COL3A1: variants seen among roughly 807,000 people sequenced by gnomAD.
The protein encoded by COL3A1 is collagen type III alpha 1 chain, also known as collagen alpha-1(III) chain.
A neutral mutation model predicts 200.9 loss-of-function variants in COL3A1; 46 were observed. The ratio of observed to expected loss-of-function variants is 0.23; its 90% CI spans 0.18 to 0.29. The LOEUF is 0.29. COL3A1 is among the 10% of genes least tolerant of loss of function. The pLI is 1.00. For synonymous variants in COL3A1, 650 were observed against 628.0 expected (o/e 1.03, Z -0.52); for missense variants, 1,367 against 1,917.6 (o/e 0.71, Z 5.36).
intron 15 of COL3A1, 69 bp from the exon 16 acceptor site, chr2:188,993,292 C>A: frequency 1.5e-6 from 2 of 1,307,550 alleles, no homozygotes; most frequent in Non-Finnish European, 2.2e-6. Context: ...TTAAACAGGA[C>A]TGAAGGGTGA....
In COL3A1 at chr2:189,005,290, A is replaced by G. The variant is rs576646004; in HGVS notation, c.2932-60A>G. 24 of 1,388,910 alleles carry G rather than the reference A, an allele frequency of 1.7e-5. No homozygotes were observed. In the African/African-American group the frequency reaches 3.4e-4, roughly 20 times the overall value. The allele number at this position is 1,388,910 out of a possible 1,614,324, so 86.0% of individuals were successfully genotyped here. On this transcript the variant is annotated intron_variant, in intron 40 of 50. Transcript: ENST00000304636. ...TACCTGAAAATAAAGATATCTGATA[A>G]CACCATTTTAATTGATTTCTTAAGT...
In COL3A1 at chr2:188,991,047, C is replaced by T; in HGVS notation, c.842C>T (p.Pro281Leu). Residue 281 changes from proline (P) to leucine (L), a missense_variant, in exon 11 of 51, where the codon CCT (proline) becomes CTT (leucine). Pro to Leu is a moderately conservative substitution (Grantham distance 98, BLOSUM62 -3). This residue lies in a region of COL3A1 where 462 missense variants were observed against 681.4 expected (regional missense o/e 0.68). Transcript: ENST00000304636. ...GGAGAAAAGGGTGAAACAGGTGCTC[C>T]TGGATTAAAGGTAAATCACAACAAA... is the stretch of plus-strand genomic sequence containing the variant. ...RNGEKGETGA[P>L]GLKGENGLPG... 2 of 1,613,116 alleles carry T rather than the reference C, an allele frequency of 1.2e-6. No homozygotes were observed. Among genetic ancestry groups the T allele is most frequent in the Non-Finnish European group, 1.7e-6 (2 of 1,179,458 alleles).
rs140646380 is a variant in COL3A1, at chr2:189,010,657, G to A, written c.4021G>A (p.Gly1341Ser). ...SMDGGFQFSYGNPELPEDVLD... is the reference protein window; with the variant it reads ...SMDGGFQFSYSNPELPEDVLD... ...TTGTTCCCTATTACAGTTTAGCTAC[G>A]GCAATCCTGAACTTCCTGAAGATGT... Residue 1341 changes from glycine (G) to serine (S), a missense_variant, in exon 50 of 51, where the codon GGC (glycine) becomes AGC (serine). Physicochemically the swap from Gly to Ser is moderately conservative, Grantham distance 56 (BLOSUM62 0). Around this residue, in one of 5 missense-constraint regions of COL3A1, gnomAD observed 846 missense variants for 1,147.9 expected, o/e 0.74. Transcript: ENST00000304636. 196 of 1,614,030 alleles carry A rather than the reference G, an allele frequency of 1.2e-4. No individual in the cohort carries two copies. The highest frequency in any genetic ancestry group is 9.3e-5 in the African/African-American group (7 of 75,010).
chr2:189,011,824 T>C lies in COL3A1; in HGVS notation c.*50T>C, dbSNP rs766422352. ...CAAAAAAAATTTAACTCCATATGTGTTCCTCTTGTTCTAATCTTGTCAACC... is the reference window on the plus strand; with the variant it reads ...CAAAAAAAATTTAACTCCATATGTGCTCCTCTTGTTCTAATCTTGTCAACC... On this transcript the variant is annotated 3_prime_UTR_variant, in exon 51 of 51. Coordinates refer to ENST00000304636, the MANE Select transcript of COL3A1 (RefSeq NM_000090.4). 5 of 1,599,224 alleles carry C rather than the reference T, an allele frequency of 3.1e-6. No individual in the cohort carries two copies. Among genetic ancestry groups the C allele is most frequent in the Non-Finnish European group, 8.6e-7 (1 of 1,167,040 alleles).
At chr2:188,983,385 T>G (rs538997401) in intron 1 of COL3A1, among the ~76,000 whole-genome samples, 5 of 152,040 alleles carry the variant, frequency 3.3e-5, no homozygotes, top group Non-Finnish European at 7.4e-5. Flanking sequence ...TAAATGGAAA[T>G]GAGGTGGGGA....
intron 32 of COL3A1, among the ~76,000 whole-genome samples, chr2:189,000,444 T>C (rs1359135439): frequency 1.3e-5 from 2 of 152,098 alleles, no homozygotes; most frequent in Non-Finnish European, 2.9e-5. Context: ...GTAGAACAGA[T>C]TAGTGGTTGC....
At chr2:188,988,665 AT>A in intron 7 of COL3A1, 22 bp downstream of exon 7, 1 of 1,557,880 alleles carries the variant, frequency 6.4e-7, no homozygotes, top group Non-Finnish European at 8.8e-7. Flanking sequence ...TTAAATTTAT[AT>A]TTAGTAAGTC....
At chr2:188,983,676 A>C (rs1688002132) in intron 1 of COL3A1, among the ~76,000 whole-genome samples, 1 of 151,946 alleles carries the variant, frequency 6.6e-6, no homozygotes, top group African/African-American at 2.4e-5. Flanking sequence ...CTCTTTCAAT[A>C]GACATTTTAA....
intron 14 of COL3A1, among the ~76,000 whole-genome samples, 177 bp downstream of exon 14, chr2:188,992,405 A>C (rs1004047139): frequency 2.0e-5 from 3 of 152,166 alleles, no homozygotes; most frequent in Non-Finnish European, 4.4e-5. Flanking sequence ...GTGAAAAAAT[A>C]TTGTAGCCCC....
At chr2:188,984,402 T>C (rs1199162430) in intron 1 of COL3A1, among the ~76,000 whole-genome samples, 13 of 152,006 alleles carry the variant, frequency 8.6e-5, no homozygotes, top group Admixed American at 7.9e-4. Flanking sequence ...AGGCAAAGAA[T>C]AGCAATTGGG....
intron 1 of COL3A1, among the ~76,000 whole-genome samples, chr2:188,983,699 T>C (rs1217046818): frequency 6.6e-6 from 1 of 151,942 alleles, no homozygotes; most frequent in Non-Finnish European, 1.5e-5. Flanking sequence ...ATCTTGGCTT[T>C]GAGAAAATAA....
chr2:188,986,631 A>G (rs1435647885), intron 4 of COL3A1, among the ~76,000 whole-genome samples: 1 of 152,016 alleles, frequency 6.6e-6, no homozygotes, highest in Non-Finnish European at 1.5e-5. Context: ...TATGAATTTT[A>G]CTTGTATCAT....
chr2:188,999,146 A>T, intron 29 of COL3A1, 139 bp from the exon 30 acceptor site: 3 of 835,494 alleles, frequency 3.6e-6, no homozygotes, highest in Non-Finnish European at 5.9e-6. Context: ...CCAGCTGTTC[A>T]ACTATTTTTA....
intron 45 of COL3A1, 92 bp from the exon 46 acceptor site, chr2:189,007,793 T>C: frequency 2.0e-6 from 3 of 1,487,248 alleles, no homozygotes; most frequent in Non-Finnish European, 2.8e-6. Context: ...AATTTCATCA[T>C]GATCCCCATG....
Position 188,999,846 on chromosome 2 carries a change from A to T in COL3A1, c.2234A>T (p.Glu745Val), listed in dbSNP as rs1688417359. The change falls in exon 32 of 51, where the codon GAA becomes GTA. Residue 745 changes from glutamate (E) to valine (V), a missense_variant. Transcript: ENST00000304636. ...GSPGPKGDKG[E>V]PGGPGADGVP... Reference sequence around the variant, plus strand: ...ACATTGGCTTTTATTTGACAGGGTGAACCAGGCGGTCCAGGTGCTGATGGT... The same window carrying T: ...ACATTGGCTTTTATTTGACAGGGTGTACCAGGCGGTCCAGGTGCTGATGGT... 2 of 1,595,894 alleles carry T rather than the reference A, an allele frequency of 1.3e-6. No individual in the cohort carries two copies. The highest frequency in any genetic ancestry group is 1.7e-6 in the Non-Finnish European group (2 of 1,172,286).
At chr2:189,010,083 A>T (rs1688686519) in intron 48 of COL3A1, 95 bp from the exon 49 acceptor site, 1 of 1,129,344 alleles carries the variant, frequency 8.9e-7, no homozygotes, top group Non-Finnish European at 1.3e-6. Context: ...ACACATTAGC[A>T]GTCAACATTA....
intron 27 of COL3A1, among the ~76,000 whole-genome samples, chr2:188,998,020 A>C (rs1183941198): frequency 6.6e-6 from 1 of 152,254 alleles, no homozygotes; most frequent in Non-Finnish European, 1.5e-5. Context: ...AGCCAAGTCT[A>C]TCCTGCCATG....
chr2:188,975,452 A>G (rs961464216), intron 1 of COL3A1, among the ~76,000 whole-genome samples: 1 of 152,206 alleles, frequency 6.6e-6, no homozygotes, highest in Non-Finnish European at 1.5e-5. Flanking sequence ...TTTATTTACC[A>G]TAGTCATGAA....
Position 188,999,324 on chromosome 2 carries a change from T to A in COL3A1, c.2062T>A (p.Leu688Met). ...CCCTGGTGAACGTGGACCTCCTGGA[T>A]TGGCAGGGGCCCCAGGACTTAGAGG... Reference protein sequence around the residue: ...GAPGERGPPGLAGAPGLRGGA... With the variant: ...GAPGERGPPGMAGAPGLRGGA... Residue 688 changes from leucine (L) to methionine (M), a missense_variant, in exon 30 of 51, where the codon TTG (leucine) becomes ATG (methionine). By Grantham distance (15) the Leu-to-Met change is conservative. Coordinates refer to ENST00000304636, the MANE Select transcript of COL3A1 (RefSeq NM_000090.4). The A allele has an allele frequency of 6.3e-7, 1 of 1,591,072 alleles. No homozygotes were observed. The highest frequency in any genetic ancestry group is 8.6e-7 in the Non-Finnish European group (1 of 1,168,032).
Sources: allele counts gnomAD v4.1 joint callset (sites outside exome capture counted in the v4.1 genomes callset), GRCh38; gene constraint gnomAD v4.1.1; regional missense constraint gnomAD v4.1.1; transcripts MANE v1.5; gene names NCBI Gene and HGNC (gene_info 2026-07-23, HGNC 2026-07-21).